TSPAN18: variants seen among roughly 807,000 people sequenced by gnomAD.
The protein encoded by TSPAN18 is tetraspanin-18.
A neutral mutation model predicts 27.3 loss-of-function variants in TSPAN18; 14 were observed. The ratio of observed to expected loss-of-function variants is 0.51; its 90% CI spans 0.34 to 0.80. TSPAN18 has a LOEUF of 0.80. Ranked by LOEUF, TSPAN18 falls within the 30% of genes least tolerant of loss-of-function variation. TSPAN18 has a pLI of 0.01. For missense variants in TSPAN18, 268 were observed against 323.9 expected, an observed-to-expected ratio of 0.83 and a Z score of 1.32; for synonymous variants, 143 against 136.5, an observed-to-expected ratio of 1.05 and a Z score of -0.33.
chr11:44,813,015 C>A (rs1358775359), intron 2 of TSPAN18, among the ~76,000 whole-genome samples: 1 of 152,112 alleles, frequency 6.6e-6, no homozygotes, highest in Non-Finnish European at 1.5e-5. Flanking sequence ...TCTGGGGCCA[C>A]CCATAACCCT....
chr11:44,753,647 CTGATCCCATCGTCCCAAGCATCTATTATG>C (rs1172051395), intron 1 of TSPAN18, among the ~76,000 whole-genome samples: 1 of 152,186 alleles, frequency 6.6e-6, no homozygotes, highest in African/African-American at 2.4e-5. Flanking sequence ...AACTGGCTTC[CTGATCCCATCGTCCCAAGCATCTATTATG>C]TGAGCACATA....
chr11:44,887,355 A>G (rs936454720), intron 3 of TSPAN18, among the ~76,000 whole-genome samples: 9 of 152,234 alleles, frequency 5.9e-5, no homozygotes, highest in Non-Finnish European at 1.0e-4. Flanking sequence ...GCCTGTAGAA[A>G]GTGCTTCATA....
intron 1 of TSPAN18, among the ~76,000 whole-genome samples, chr11:44,746,164 A>T (rs1309666615): frequency 6.6e-6 from 1 of 152,224 alleles, no homozygotes; most frequent in African/African-American, 2.4e-5. Flanking sequence ...GATAAGCAGC[A>T]GCTGCCCCCC....
intron 2 of TSPAN18, among the ~76,000 whole-genome samples, chr11:44,839,117 C>T (rs1857317994): frequency 6.6e-6 from 1 of 152,234 alleles, no homozygotes; most frequent in Non-Finnish European, 1.5e-5. Flanking sequence ...TGTCTCAAGC[C>T]TATAGCATCA....
At chr11:44,729,728 T>C (rs575742712) in intron 1 of TSPAN18, among the ~76,000 whole-genome samples, 186 of 152,160 alleles carry the variant, frequency 1.2e-3, no homozygotes, top group African/African-American at 4.2e-3. Context: ...TGGGGTTGGG[T>C]TTAGGACACC....
chr11:44,880,835 C>T (rs1230237761), intron 3 of TSPAN18, among the ~76,000 whole-genome samples: 3 of 152,268 alleles, frequency 2.0e-5, no homozygotes, highest in Non-Finnish European at 4.4e-5. Context: ...TGAGAGCCCA[C>T]CTGCCAGGGC....
chr11:44,864,647 C>T (rs1030110574), intron 3 of TSPAN18, among the ~76,000 whole-genome samples: 13 of 152,204 alleles, frequency 8.5e-5, no homozygotes, highest in Non-Finnish European at 1.9e-4. Flanking sequence ...CAGTGTTGCA[C>T]ATGGACCTTA....
chr11:44,896,821 G>A (rs1463738768), intron 3 of TSPAN18, among the ~76,000 whole-genome samples: 2 of 152,070 alleles, frequency 1.3e-5, no homozygotes, highest in East Asian at 1.9e-4. Flanking sequence ...TCACTTGTGT[G>A]CCCATGCTTA....
At chr11:44,902,811 G>A (rs938138304) in intron 3 of TSPAN18, among the ~76,000 whole-genome samples, 4 of 152,196 alleles carry the variant, frequency 2.6e-5, no homozygotes, top group African/African-American at 9.7e-5. Context: ...GTCCTGGGCT[G>A]TCCTCACCCA....
At chr11:44,748,617 T>A (rs1442003719) in intron 1 of TSPAN18, among the ~76,000 whole-genome samples, 1 of 152,110 alleles carries the variant, frequency 6.6e-6, no homozygotes, top group African/African-American at 2.4e-5. Context: ...TTAACACAAG[T>A]CAGGAGAAAA....
At chr11:44,836,622 A>AG (rs1590554955) in intron 2 of TSPAN18, among the ~76,000 whole-genome samples, 1 of 152,238 alleles carries the variant, frequency 6.6e-6, no homozygotes, top group Non-Finnish European at 1.5e-5. Flanking sequence ...TACTGGAAGA[A>AG]GATACCATCT....
chr11:44,868,178 G>A (rs1858091590), intron 3 of TSPAN18, among the ~76,000 whole-genome samples: 1 of 152,142 alleles, frequency 6.6e-6, no homozygotes, highest in Non-Finnish European at 1.5e-5. Context: ...TTCCCTCAGG[G>A]GACGCAGTTG....
At chr11:44,857,347 A>G (rs1857764433) in intron 2 of TSPAN18, among the ~76,000 whole-genome samples, 1 of 152,224 alleles carries the variant, frequency 6.6e-6, no homozygotes, top group South Asian at 2.1e-4. Context: ...TGCCTGTGTC[A>G]ACCACAGAGC....
At chr11:44,899,783 T>G (rs914614027) in intron 3 of TSPAN18, among the ~76,000 whole-genome samples, 3 of 152,216 alleles carry the variant, frequency 2.0e-5, no homozygotes, top group Admixed American at 2.0e-4. Context: ...GGCAAGAAAG[T>G]GATAGGCCGG....
At chr11:44,865,134 C>T (rs1281613855) in intron 3 of TSPAN18, among the ~76,000 whole-genome samples, 1 of 152,238 alleles carries the variant, frequency 6.6e-6, no homozygotes, top group African/African-American at 2.4e-5. Context: ...GGACTCAAAA[C>T]AAATGGCTTT....
chr11:44,822,987 GA>G (rs1295861467), intron 2 of TSPAN18, among the ~76,000 whole-genome samples: 3 of 152,196 alleles, frequency 2.0e-5, no homozygotes, highest in Non-Finnish European at 2.9e-5. Flanking sequence ...AATTCTCCCT[GA>G]CTTGCAATGA....
chr11:44,822,518 A>G (rs1423024831), intron 2 of TSPAN18, among the ~76,000 whole-genome samples: 4 of 151,564 alleles, frequency 2.6e-5, no homozygotes, highest in African/African-American at 9.7e-5. Context: ...CATTCTCACC[A>G]ATGATAGTGG....
intron 5 of TSPAN18, among the ~76,000 whole-genome samples, chr11:44,913,339 A>G (rs1357963112): frequency 6.6e-6 from 1 of 152,194 alleles, no homozygotes; most frequent in Non-Finnish European, 1.5e-5. Context: ...AGACCACCTA[A>G]TGATCAATTT....
At chr11:44,841,421 C>T (rs1665140) in intron 2 of TSPAN18, among the ~76,000 whole-genome samples, 70,407 of 151,544 alleles carry the variant, frequency 0.46, 16,799 homozygotes, top group East Asian at 0.75. Context: ...GAGGCTGAGG[C>T]GGGAAAATCA....
Sources: allele counts gnomAD v4.1 joint callset (sites outside exome capture counted in the v4.1 genomes callset), GRCh38; gene constraint gnomAD v4.1.1; transcripts MANE v1.5; gene names NCBI Gene and HGNC (gene_info 2026-07-23, HGNC 2026-07-21).